DACH1: variants seen among roughly 807,000 people sequenced by gnomAD.
DACH1 encodes dachshund homolog 1.
A neutral mutation model predicts 54.2 loss-of-function variants in DACH1; 12 were observed. The observed-to-expected ratio is 0.22, with a 90% CI of 0.14 to 0.36. DACH1 has a LOEUF of 0.36. DACH1 is among the 10% of genes least tolerant of loss of function. The probability of loss-of-function intolerance (pLI) is 1.00; values close to 1 mark genes in which losing one functional copy is unlikely to be tolerated. For synonymous variants in DACH1, 386 were observed against 366.2 expected (o/e 1.05, Z -0.62); for missense variants, 805 against 929.8 (o/e 0.87, Z 1.75).
chr13:71,582,205 G>A (rs1872900837), intron 3 of DACH1, among the ~76,000 whole-genome samples: 1 of 152,152 alleles, frequency 6.6e-6, no homozygotes, highest in Non-Finnish European at 1.5e-5. Context: ...ATATTGGTAT[G>A]TGACTCCTAT....
intron 2 of DACH1, among the ~76,000 whole-genome samples, chr13:71,669,205 T>G (rs1880064910): frequency 6.6e-6 from 1 of 152,122 alleles, no homozygotes; most frequent in Non-Finnish European, 1.5e-5. Context: ...TATGGGTCCT[T>G]GACCTGTTAG....
At chr13:71,752,152 G>A (rs921346996) in intron 1 of DACH1, among the ~76,000 whole-genome samples, 8 of 152,018 alleles carry the variant, frequency 5.3e-5, no homozygotes, top group Non-Finnish European at 1.2e-4. Flanking sequence ...GAAAACATAC[G>A]GATAACTCAA....
At chr13:71,639,756 C>T (rs930288127) in intron 2 of DACH1, among the ~76,000 whole-genome samples, 1 of 151,972 alleles carries the variant, frequency 6.6e-6, no homozygotes, top group Non-Finnish European at 1.5e-5. Context: ...GAAAAGCTCA[C>T]CTTCTGATCA....
intron 1 of DACH1, among the ~76,000 whole-genome samples, chr13:71,786,321 T>C (rs1233858381): frequency 1.3e-5 from 2 of 152,146 alleles, no homozygotes; most frequent in African/African-American, 4.8e-5. Flanking sequence ...CAGTTTGAAA[T>C]TGTAAGTAGA....
intron 3 of DACH1, among the ~76,000 whole-genome samples, chr13:71,603,284 A>G (rs1874636550): frequency 6.6e-6 from 1 of 152,004 alleles, no homozygotes; most frequent in Admixed American, 6.6e-5. Context: ...AAATACCAAA[A>G]TGCTTCTCAT....
chr13:71,719,202 CCTT>C, intron 1 of DACH1, among the ~76,000 whole-genome samples: 1 of 152,170 alleles, frequency 6.6e-6, no homozygotes, highest in Non-Finnish European at 1.5e-5. Context: ...AAAAGAGGCT[CCTT>C]CTTCTGTATG....
At chr13:71,631,371 C>T (rs747994970) in intron 2 of DACH1, among the ~76,000 whole-genome samples, 2 of 152,138 alleles carry the variant, frequency 1.3e-5, no homozygotes, top group Admixed American at 6.6e-5. Flanking sequence ...CCCTGACCCA[C>T]GTTTATACCT....
At chr13:71,528,624 G>A (rs112891764) in intron 6 of DACH1, among the ~76,000 whole-genome samples, 1,916 of 151,792 alleles carry the variant, frequency 0.013, 44 homozygotes, top group African/African-American at 0.044. Flanking sequence ...TAGAGACGGC[G>A]TTTCACCCTG....
At chr13:71,655,727 T>C (rs1195497247) in intron 2 of DACH1, among the ~76,000 whole-genome samples, 1 of 152,162 alleles carries the variant, frequency 6.6e-6, no homozygotes, top group Non-Finnish European at 1.5e-5. Flanking sequence ...ATCTTAGAAA[T>C]GACACTTAAA....
intron 1 of DACH1, among the ~76,000 whole-genome samples, chr13:71,789,117 C>T (rs532837292): frequency 6.6e-6 from 1 of 152,200 alleles, no homozygotes; most frequent in East Asian, 1.9e-4. Context: ...ATAAAGTAAG[C>T]CAAGTCAAAT....
In DACH1 at chr13:71,799,210, C is replaced by T. The variant is rs2138118449; in HGVS notation, c.848+66712G>A. Among the ~76,000 whole-genome samples the T allele has an allele frequency of 1.3e-5, 2 of 152,152 alleles. 1 individual carries two copies. Among genetic ancestry groups the T allele is most frequent in the Middle Eastern group, 6.8e-3 (2 of 292 alleles). Reference sequence around the variant, plus strand: ...TACATTCATATACAGTAAAGGAGATCACAAGTGCATACAGGATATAATTAT... The same window carrying T: ...TACATTCATATACAGTAAAGGAGATTACAAGTGCATACAGGATATAATTAT... On this transcript the variant is annotated intron_variant, in intron 1 of 10. Transcript: ENST00000613252.
At chr13:71,700,322 C>T (rs761923417) in intron 1 of DACH1, among the ~76,000 whole-genome samples, 2 of 152,020 alleles carry the variant, frequency 1.3e-5, no homozygotes, top group African/African-American at 2.4e-5. Context: ...CTTTGGGAGT[C>T]CGAGTTGGGC....
At chr13:71,654,845 T>C (rs1215977166) in intron 2 of DACH1, among the ~76,000 whole-genome samples, 1 of 152,230 alleles carries the variant, frequency 6.6e-6, no homozygotes, top group African/African-American at 2.4e-5. Context: ...AAAAAAATGA[T>C]AAAATGTTTA....
intron 3 of DACH1, among the ~76,000 whole-genome samples, chr13:71,612,726 G>A (rs1302921490): frequency 2.6e-5 from 4 of 152,142 alleles, no homozygotes; most frequent in Non-Finnish European, 5.9e-5. Context: ...AAGAAAATGA[G>A]ATTATAACAC....
At chr13:71,675,584 A>T (rs1273780030) in intron 2 of DACH1, 1 of 650,590 alleles carries the variant, frequency 1.5e-6, no homozygotes, top group African/African-American at 1.8e-5. Flanking sequence ...CCATGGGGTC[A>T]AAAGGTACCT....
chr13:71,780,142 T>G (rs1886312004), intron 1 of DACH1, among the ~76,000 whole-genome samples: 1 of 152,082 alleles, frequency 6.6e-6, no homozygotes, highest in Non-Finnish European at 1.5e-5. Context: ...AAAAGAACTG[T>G]GACCAGAATA....
At chr13:71,688,169 C>A (rs1881277406) in intron 1 of DACH1, among the ~76,000 whole-genome samples, 1 of 152,108 alleles carries the variant, frequency 6.6e-6, no homozygotes. Flanking sequence ...CACAAATAAT[C>A]ACTGACATCG....
At chr13:71,818,458 C>A (rs977264216) in intron 1 of DACH1, among the ~76,000 whole-genome samples, 2 of 152,144 alleles carry the variant, frequency 1.3e-5, no homozygotes, top group Non-Finnish European at 2.9e-5. Flanking sequence ...AAAGGACAGG[C>A]CATGCAAGCC....
chr13:71,781,571 G>A (rs1023098507), intron 1 of DACH1, among the ~76,000 whole-genome samples: 6 of 151,766 alleles, frequency 4.0e-5, no homozygotes, highest in African/African-American at 1.2e-4. Context: ...GTAGAGACGG[G>A]GTTTCACCGT....
Sources: gnomAD v4.1 joint callset for allele counts (sites outside exome capture counted in the v4.1 genomes callset) on GRCh38, gnomAD v4.1.1 for gene constraint, MANE v1.5 for transcripts, NCBI Gene and HGNC (gene_info 2026-07-23, HGNC 2026-07-21) for gene names.